PHF14: variants seen among roughly 807,000 people sequenced by gnomAD.
PHF14 encodes PHD finger protein 14.
PHF14 carries 55 observed loss-of-function variants against 117.9 expected under a neutral mutation model. The ratio of observed to expected loss-of-function variants is 0.47; its 90% CI spans 0.38 to 0.58. The LOEUF is 0.58. Ranked by LOEUF, PHF14 falls within the 20% of genes least tolerant of loss-of-function variation. The pLI is 0.00. For missense variants in PHF14, 978 were observed against 1,122.2 expected, an observed-to-expected ratio of 0.87 and a Z score of 1.84; for synonymous variants, 409 against 368.6, an observed-to-expected ratio of 1.11 and a Z score of -1.26.
At chr7:10,993,755 T>A (rs563156621) in intron 4 of PHF14, among the ~76,000 whole-genome samples, 1 of 152,128 alleles carries the variant, frequency 6.6e-6, no homozygotes, top group Non-Finnish European at 1.5e-5. Flanking sequence ...TGCCTGTAAA[T>A]CCCAGCACTT....
chr7:11,024,104 C>T (rs1228649402), intron 6 of PHF14, among the ~76,000 whole-genome samples: 3 of 152,112 alleles, frequency 2.0e-5, no homozygotes, highest in Non-Finnish European at 4.4e-5. Flanking sequence ...TGCCTTATTG[C>T]TGATAATGGA....
intron 16 of PHF14, among the ~76,000 whole-genome samples, chr7:11,110,736 T>A (rs1343396148): frequency 6.6e-6 from 1 of 152,058 alleles, no homozygotes; most frequent in Admixed American, 6.6e-5. Context: ...TTAAATGTTC[T>A]GTTTTTTAAC....
chr7:11,031,949 A>G (rs764866358), intron 7 of PHF14, among the ~76,000 whole-genome samples: 1 of 152,174 alleles, frequency 6.6e-6, no homozygotes, highest in Non-Finnish European at 1.5e-5. Context: ...TGTTCTGTAG[A>G]AAATTATATT....
At chr7:11,018,680 C>G (rs767372156) in intron 5 of PHF14, among the ~76,000 whole-genome samples, 1 of 152,038 alleles carries the variant, frequency 6.6e-6, no homozygotes, top group Non-Finnish European at 1.5e-5. Flanking sequence ...ATTATATTAC[C>G]TGCTAACAAG....
intron 14 of PHF14, among the ~76,000 whole-genome samples, chr7:11,058,790 T>C (rs1397682824): frequency 3.3e-5 from 5 of 152,240 alleles, no homozygotes; most frequent in African/African-American, 4.8e-5. Context: ...GGATTAGCCA[T>C]GCAAGAAAAG....
At chr7:10,994,656 T>C (rs4398795) in intron 4 of PHF14, among the ~76,000 whole-genome samples, 32,868 of 152,048 alleles carry the variant, frequency 0.22, 5,716 homozygotes, top group African/African-American at 0.49. Flanking sequence ...AGAATGAAGC[T>C]GTGGATCCTC....
At chr7:11,037,130 T>A (rs1454677566) in intron 10 of PHF14, 39 bp downstream of exon 10, 12 of 1,432,740 alleles carry the variant, frequency 8.4e-6, no homozygotes, top group African/African-American at 1.5e-5. Context: ...ATGTGATAGA[T>A]CTTACTGATG....
At chr7:11,118,261 T>C (rs1787654893) in intron 17 of PHF14, among the ~76,000 whole-genome samples, 1 of 151,910 alleles carries the variant, frequency 6.6e-6, no homozygotes, top group African/African-American at 2.4e-5. Flanking sequence ...AAGATGGTTT[T>C]AGTTTTGTAT....
chr7:11,166,566 A>G (rs2128358559), intron 17 of PHF14, among the ~76,000 whole-genome samples: 1 of 152,280 alleles, frequency 6.6e-6, no homozygotes, highest in Admixed American at 6.5e-5. Context: ...AGCATTTCCA[A>G]AAAGACTTCC....
intron 2 of PHF14, among the ~76,000 whole-genome samples, chr7:10,975,777 A>C (rs1350271562): frequency 6.6e-6 from 1 of 152,170 alleles, no homozygotes; most frequent in Admixed American, 6.5e-5. Flanking sequence ...TGAGAAGTAA[A>C]AGCCTTTCCA....
At chr7:11,135,536 CTT>C (rs1682902026) in intron 17 of PHF14, among the ~76,000 whole-genome samples, 2 of 151,900 alleles carry the variant, frequency 1.3e-5, no homozygotes, top group East Asian at 3.9e-4. Flanking sequence ...TGGAAATGCT[CTT>C]TATTTTAAAT....
At chr7:11,064,401 G>A (rs1785350708) in intron 16 of PHF14, among the ~76,000 whole-genome samples, 2 of 151,660 alleles carry the variant, frequency 1.3e-5, no homozygotes, top group Admixed American at 1.3e-4. Context: ...TTTAAATAAG[G>A]ATTTATTTTC....
chr7:10,978,202 C>T (rs1583321546), intron 2 of PHF14, among the ~76,000 whole-genome samples: 1 of 152,144 alleles, frequency 6.6e-6, no homozygotes, highest in Non-Finnish European at 1.5e-5. Flanking sequence ...ATTGATTGTC[C>T]GTAGTTTAGC....
intron 7 of PHF14, 37 bp from the exon 8 acceptor site, chr7:11,035,603 C>CATA: frequency 6.9e-7 from 1 of 1,453,150 alleles, no homozygotes; most frequent in Non-Finnish European, 9.3e-7. Context: ...CTTGGGAGTA[C>CATA]AAATGTTCAC....
chr7:11,111,584 C>G (rs767812193), intron 17 of PHF14, 117 bp downstream of exon 17: 39 of 582,988 alleles, frequency 6.7e-5, no homozygotes, highest in Non-Finnish European at 9.6e-5. Context: ...ACATTTTAAC[C>G]AGTACACCTT....
At chr7:11,028,647 T>G (rs772055252) in intron 6 of PHF14, 34 bp from the exon 7 acceptor site, 5 of 1,608,502 alleles carry the variant, frequency 3.1e-6, no homozygotes, top group Non-Finnish European at 4.3e-6. Context: ...GGAAATAAGT[T>G]TGCTTTGAGA....
At chr7:11,155,407 C>A (rs566486289) in intron 17 of PHF14, among the ~76,000 whole-genome samples, 1 of 152,216 alleles carries the variant, frequency 6.6e-6, no homozygotes, top group African/African-American at 2.4e-5. Flanking sequence ...AATGCTAGAA[C>A]CAGAAAAGCA....
intron 13 of PHF14, among the ~76,000 whole-genome samples, chr7:11,043,631 T>G (rs1204826967): frequency 6.6e-6 from 1 of 152,146 alleles, no homozygotes; most frequent in Non-Finnish European, 1.5e-5. Flanking sequence ...TTCATTTGAT[T>G]AGGAAGCTGA....
chr7:11,124,872 C>T (rs1030550093), intron 17 of PHF14, among the ~76,000 whole-genome samples: 2 of 151,982 alleles, frequency 1.3e-5, no homozygotes, highest in Non-Finnish European at 2.9e-5. Flanking sequence ...GACTTCTAAT[C>T]GGAAAGGGAA....
Sources: gnomAD v4.1 joint callset for allele counts (sites outside exome capture counted in the v4.1 genomes callset) on GRCh38, gnomAD v4.1.1 for gene constraint, MANE v1.5 for transcripts, NCBI Gene and HGNC (gene_info 2026-07-23, HGNC 2026-07-21) for gene names.